The following EDNRB variants were observed in gnomAD, a reference collection of about 807,000 sequenced individuals.
The protein encoded by EDNRB is Hirschsprung disease 2.
Under a neutral mutation model 46.4 loss-of-function variants are expected in EDNRB, and 18 were observed. That is an observed-to-expected ratio of 0.39 (90% CI 0.27 to 0.57). The LOEUF (loss-of-function observed/expected upper bound fraction) is 0.57. EDNRB is among the 20% of genes least tolerant of loss of function. The pLI is 0.61. For missense variants in EDNRB, 434 were observed against 537.5 expected (o/e 0.81, Z 1.90); for synonymous variants, 213 against 204.9 (o/e 1.04, Z -0.34).
chr13:77,964,229 T>C (rs566178925), intron 1 of EDNRB, among the ~76,000 whole-genome samples: 1 of 152,332 alleles, frequency 6.6e-6, no homozygotes, highest in South Asian at 2.1e-4. Context: ...CTCAAGGATC[T>C]AGAACTAGAA....
At chr13:77,919,706 A>T (rs1281119529), upstream of EDNRB, 14 of 1,299,614 alleles carry the variant, frequency 1.1e-5, no homozygotes, top group Non-Finnish European at 1.5e-5. Flanking sequence ...GGACAGCATC[A>T]GTAGTAGTTG....
intron 1 of EDNRB, among the ~76,000 whole-genome samples, chr13:77,925,164 A>T (rs1487015729): frequency 6.6e-6 from 1 of 152,210 alleles, no homozygotes; most frequent in Non-Finnish European, 1.5e-5. Context: ...ACTTTCTGGG[A>T]CTGGCTTGTT....
rs769735757 is a variant in EDNRB, at chr13:77,901,131, TA to T, written c.877del (p.Tyr293IlefsTer3). 4 of 1,611,484 alleles carry T rather than the reference TA, an allele frequency of 2.5e-6. No individual in the cohort carries two copies. Among genetic ancestry groups the T allele is most frequent in the African/African-American group, 1.3e-5 (1 of 74,850 alleles). On this transcript the variant is annotated frameshift_variant, in exon 4 of 7. Transcript: ENST00000646607. LOFTEE classifies it high-confidence loss of function. ...CLPLAITAFF[Y>X]TLMTCEMLRK... ...CAACATTTCACAGGTCATTAGTGTA[TA>T]AAAAAATGCAGTGATGGCCAATGGC...
chr13:77,931,745 A>C (rs1594381623), intron 1 of EDNRB, among the ~76,000 whole-genome samples: 1 of 11,182 alleles, frequency 8.9e-5, no homozygotes, highest in African/African-American at 3.1e-4. Context: ...CTGTAGTAGC[A>C]AAAAAAAAAA....
chr13:77,919,781 TCTA>T, upstream of EDNRB: 1 of 643,420 alleles, frequency 1.6e-6, no homozygotes, highest in East Asian at 2.8e-5. Flanking sequence ...TTGTTAGAGT[TCTA>T]CGCTCTTCAA....
intron 1 of EDNRB, among the ~76,000 whole-genome samples, chr13:77,955,740 A>G (rs1002842648): frequency 6.6e-6 from 1 of 152,010 alleles, no homozygotes; most frequent in African/African-American, 2.4e-5. Flanking sequence ...CCCTTTCCCT[A>G]TTGTACATTC....
chr13:77,958,003 C>A lies in EDNRB; in HGVS notation c.-52+17344G>T, dbSNP rs551573385. On this transcript the variant is annotated intron_variant, in intron 1 of 7. Coordinates refer to the EDNRB transcript ENST00000646948. ...TAAAATGTTGAGTGATTAATTTTTGCAAAAAACTAAACACCATGTGGAAGT... is the reference window on the plus strand; with the variant it reads ...TAAAATGTTGAGTGATTAATTTTTGAAAAAAACTAAACACCATGTGGAAGT... 1.8e-4 allele frequency among the ~76,000 whole-genome samples: 27 copies of A among 152,208 alleles called. 1 individual carries two copies. Among genetic ancestry groups the A allele is most frequent in the African/African-American group, 6.3e-4 (26 of 41,550 alleles).
At chr13:77,963,235 C>T (rs1362976652) in intron 1 of EDNRB, among the ~76,000 whole-genome samples, 2 of 152,198 alleles carry the variant, frequency 1.3e-5, no homozygotes, top group Admixed American at 6.5e-5. Flanking sequence ...CATCAACCTA[C>T]CAATGACTTT....
intron 1 of EDNRB, among the ~76,000 whole-genome samples, chr13:77,924,887 C>G (rs753340680): frequency 1.1e-4 from 16 of 152,190 alleles, no homozygotes; most frequent in Non-Finnish European, 2.1e-4. Context: ...TGCCATCCAC[C>G]TAAGATGTGA....
chr13:77,917,000 C>G (rs1879840330), intron 1 of EDNRB, among the ~76,000 whole-genome samples: 2 of 151,830 alleles, frequency 1.3e-5, no homozygotes, highest in African/African-American at 4.8e-5. Context: ...CCCAGAGGTG[C>G]TGGGATGTGT....
chr13:77,939,923 G>A (rs1010892699), intron 1 of EDNRB: 1 of 152,022 alleles, frequency 6.6e-6, no homozygotes, highest in Non-Finnish European at 1.5e-5. Context: ...TGGAACCCGG[G>A]AGGTGGAGGT....
upstream of EDNRB, chr13:77,918,900 G>A: frequency 8.1e-7 from 1 of 1,237,878 alleles, no homozygotes; most frequent in Non-Finnish European, 1.0e-6. This position sits in a 1 kb window ranked among gnomAD's most constrained non-coding sequence, Gnocchi z 4.5. Context: ...GTGTGCCAGG[G>A]AGGGAATGAT....
At chr13:77,933,016 C>T (rs9318502) in intron 1 of EDNRB, among the ~76,000 whole-genome samples, 41 of 152,084 alleles carry the variant, frequency 2.7e-4, no homozygotes, top group East Asian at 1.5e-3. Context: ...AAATTTCCCT[C>T]GTGCTGTGTT....
intron 1 of EDNRB, among the ~76,000 whole-genome samples, chr13:77,965,304 G>A (rs572871526): frequency 6.6e-6 from 1 of 152,302 alleles, no homozygotes; most frequent in African/African-American, 2.4e-5. Flanking sequence ...TGAGAGCTAA[G>A]TATTAGGGAT....
chr13:77,900,051 A>G, intron 5 of EDNRB, 84 bp from the exon 6 acceptor site: 2 of 1,117,902 alleles, frequency 1.8e-6, no homozygotes, highest in South Asian at 2.6e-5. Flanking sequence ...TTTTGTAAGG[A>G]AAAAAAATGC....
At chr13:77,958,150 T>C (rs961473495) in intron 1 of EDNRB, among the ~76,000 whole-genome samples, 7 of 152,108 alleles carry the variant, frequency 4.6e-5, no homozygotes, top group Non-Finnish European at 8.8e-5. Context: ...GAAACTACAA[T>C]TGTATAGGGA....
At chr13:77,936,282 A>C (rs200231656) in intron 1 of EDNRB, among the ~76,000 whole-genome samples, 7 of 151,566 alleles carry the variant, frequency 4.6e-5, no homozygotes, top group Non-Finnish European at 8.9e-5. Context: ...CAGATAATTT[A>C]ATTAAAGTGT....
intron 1 of EDNRB, among the ~76,000 whole-genome samples, chr13:77,908,322 T>A (rs1879394023): frequency 6.6e-6 from 1 of 151,712 alleles, no homozygotes; most frequent in South Asian, 2.1e-4. Context: ...CTCATCTCTG[T>A]CATCTTAATG....
At chr13:77,959,532 C>T (rs1383726597) in intron 1 of EDNRB, among the ~76,000 whole-genome samples, 1 of 152,136 alleles carries the variant, frequency 6.6e-6, no homozygotes, top group East Asian at 1.9e-4. Context: ...ACACCAAAAC[C>T]CCATCTGTAC....
Sources: allele counts gnomAD v4.1 joint callset (sites outside exome capture counted in the v4.1 genomes callset), GRCh38; gene constraint gnomAD v4.1.1; non-coding constraint Gnocchi (gnomAD v3.1); transcripts MANE v1.5; gene names NCBI Gene and HGNC (gene_info 2026-07-23, HGNC 2026-07-21).